Variants in STIM2 observed in about 807,000 individuals in gnomAD.
STIM2 encodes stromal interaction molecule 2.
In STIM2, 31 loss-of-function variants were observed where a neutral mutation model predicts 85.8. The ratio of observed to expected loss-of-function variants is 0.36; its 90% confidence interval spans 0.27 to 0.49. The LOEUF is 0.49. STIM2 is among the 20% of genes least tolerant of loss of function. The probability of loss-of-function intolerance (pLI) is 0.98; values close to 1 mark genes in which losing one functional copy is unlikely to be tolerated. For synonymous variants in STIM2, 356 were observed against 331.1 expected (o/e 1.08, Z -0.82); for missense variants, 841 against 927.6 (o/e 0.91, Z 1.21).
Position 26,919,746 on chromosome 4 carries a change from C to T in STIM2, c.282+112C>T, listed in dbSNP as rs1724727927. On this transcript the variant is annotated intron_variant, in intron 2 of 11. Transcript: ENST00000467087. ...TGTGGCTCATTGCCTTCATCTTCAA[C>T]ATCTTTAATTTTTCTTTTTACATGT... The T allele has an allele frequency of 2.4e-5, 30 of 1,259,754 alleles. No homozygotes were observed. In the South Asian group the frequency reaches 4.6e-4, roughly 19 times the overall value. The allele number at this position is 1,259,754 out of a possible 1,614,324, so 78.0% of individuals were successfully genotyped here.
chr4:26,991,459 G>T (rs1055286637), intron 3 of STIM2, among the ~76,000 whole-genome samples: 3 of 151,992 alleles, frequency 2.0e-5, no homozygotes, highest in Non-Finnish European at 4.4e-5. Flanking sequence ...GTTGGTTAAT[G>T]GGTACAAAAA....
chr4:27,013,690 T>C (rs1728638495), intron 10 of STIM2, among the ~76,000 whole-genome samples: 1 of 152,070 alleles, frequency 6.6e-6, no homozygotes, highest in Admixed American at 6.5e-5. Flanking sequence ...AAATGTAGCC[T>C]ACCTTGTGGA....
intron 1 of STIM2, among the ~76,000 whole-genome samples, chr4:26,870,352 T>C (rs182662603): frequency 2.1e-4 from 32 of 152,086 alleles, no homozygotes; most frequent in Middle Eastern, 3.4e-3. Context: ...ATTAGCTTCA[T>C]TGTGGTGAAT....
chr4:27,019,570 A>C, intron 11 of STIM2: 1 of 1,041,950 alleles, frequency 9.6e-7, no homozygotes, highest in Non-Finnish European at 1.3e-6. Flanking sequence ...GCTAGCTCTC[A>C]TAAATAAGAG....
chr4:26,943,743 A>G (rs1248490356), intron 2 of STIM2, among the ~76,000 whole-genome samples: 1 of 152,086 alleles, frequency 6.6e-6, no homozygotes, highest in Admixed American at 6.6e-5. Context: ...TTTTTCAAAG[A>G]TAATATACAC....
chr4:26,957,772 A>C (rs748535025), intron 3 of STIM2, 46 bp downstream of exon 3: 4 of 1,209,692 alleles, frequency 3.3e-6, no homozygotes, highest in Middle Eastern at 3.8e-4. Flanking sequence ...CTGCACATCT[A>C]GCCTGCTTAG....
At chr4:26,893,900 ATTT>A (rs1723597544) in intron 1 of STIM2, among the ~76,000 whole-genome samples, 1 of 151,484 alleles carries the variant, frequency 6.6e-6, no homozygotes, top group African/African-American at 2.4e-5. Flanking sequence ...ACAGATAATT[ATTT>A]TTTGAGACAG....
intron 10 of STIM2, among the ~76,000 whole-genome samples, chr4:27,016,701 A>G (rs1024449803): frequency 4.0e-4 from 61 of 152,224 alleles, no homozygotes; most frequent in Admixed American, 3.4e-3. Flanking sequence ...TTCTAGGTCC[A>G]GGCTTTTATC....
chr4:26,952,518 A>G (rs1726095844), intron 2 of STIM2, among the ~76,000 whole-genome samples: 1 of 152,144 alleles, frequency 6.6e-6, no homozygotes, highest in African/African-American at 2.4e-5. Context: ...TTCATGTGAA[A>G]TAAAGAACTT....
chr4:26,996,748 G>A (rs1157312738), intron 4 of STIM2, among the ~76,000 whole-genome samples: 1 of 152,068 alleles, frequency 6.6e-6, no homozygotes, highest in Non-Finnish European at 1.5e-5. Context: ...TTAAAACAGA[G>A]TCAAACATTA....
intron 1 of STIM2, among the ~76,000 whole-genome samples, chr4:26,862,846 A>T (rs116309976): frequency 6.6e-6 from 1 of 152,216 alleles, no homozygotes; most frequent in African/African-American, 2.4e-5. Context: ...AAGAATAGTG[A>T]TTATTAGGAA....
intron 3 of STIM2, among the ~76,000 whole-genome samples, chr4:26,980,176 T>C (rs1727332063): frequency 6.6e-6 from 1 of 152,230 alleles, no homozygotes; most frequent in African/African-American, 2.4e-5. Context: ...AGGTCTTATA[T>C]TTGTCTTATA....
intron 1 of STIM2, among the ~76,000 whole-genome samples, chr4:26,884,732 A>G (rs1245535947): frequency 2.6e-5 from 4 of 152,228 alleles, no homozygotes; most frequent in Non-Finnish European, 4.4e-5. Context: ...ACAGCCATTT[A>G]TTGAGTACTT....
chr4:27,021,971 C>T (rs766520711), intron 11 of STIM2, among the ~76,000 whole-genome samples: 1 of 151,850 alleles, frequency 6.6e-6, no homozygotes, highest in Non-Finnish European at 1.5e-5. Flanking sequence ...ATATGTTTGC[C>T]CCTCCCCTCC....
At chr4:26,975,432 A>G (rs994107310) in intron 3 of STIM2, among the ~76,000 whole-genome samples, 1 of 152,084 alleles carries the variant, frequency 6.6e-6, no homozygotes, top group East Asian at 1.9e-4. Context: ...TTTGGTGTAG[A>G]TGACCTTTTT....
chr4:26,881,226 G>A (rs940658422), intron 1 of STIM2, among the ~76,000 whole-genome samples: 5 of 152,116 alleles, frequency 3.3e-5, no homozygotes, highest in Non-Finnish European at 2.9e-5. Flanking sequence ...AGTTCTTTGG[G>A]AGGCCTAGGC....
intron 2 of STIM2, among the ~76,000 whole-genome samples, chr4:26,934,106 A>T (rs1725309460): frequency 6.6e-6 from 1 of 152,008 alleles, no homozygotes; most frequent in Non-Finnish European, 1.5e-5. Flanking sequence ...AGGCAGAAGA[A>T]TCACTTGAAC....
intron 4 of STIM2, 26 bp from the exon 5 acceptor site, chr4:26,999,206 T>C (rs1470672955): frequency 2.7e-6 from 3 of 1,094,410 alleles, no homozygotes; most frequent in African/African-American, 3.2e-5. Flanking sequence ...TATATATATA[T>C]GTGTGTGTGT....
intron 1 of STIM2, among the ~76,000 whole-genome samples, chr4:26,864,487 A>G (rs912704790): frequency 6.6e-6 from 1 of 152,282 alleles, no homozygotes; most frequent in African/African-American, 2.4e-5. Context: ...TGAAAGGGAA[A>G]CAAACAAACA....
Sources: allele counts gnomAD v4.1 joint callset (sites outside exome capture counted in the v4.1 genomes callset), GRCh38; gene constraint gnomAD v4.1.1; transcripts MANE v1.5; gene names NCBI Gene and HGNC (gene_info 2026-07-23, HGNC 2026-07-21).